Variants in WDR7 observed in about 807,000 individuals in gnomAD.
WDR7 encodes WD repeat domain 7, also known as WD repeat-containing protein 7.
In WDR7, 46 loss-of-function variants were observed where a neutral mutation model predicts 169.4. That is an observed-to-expected ratio of 0.27 (90% CI 0.21 to 0.35). WDR7 has a LOEUF of 0.35. WDR7 is among the 10% of genes least tolerant of loss of function. The pLI is 1.00. For synonymous variants in WDR7, 612 were observed against 666.8 expected (o/e 0.92, Z 1.27); for missense variants, 1,534 against 1,859.3 (o/e 0.83, Z 3.22).
In WDR7 at chr18:57,027,058, C is replaced by T. The variant is rs962221073; in HGVS notation, c.4324C>T (p.Arg1442Cys). 8.7e-6 allele frequency: 14 copies of T among 1,614,148 alleles called. No individual in the cohort carries two copies. Among genetic ancestry groups the T allele is most frequent in the African/African-American group, 1.3e-5 (1 of 75,034 alleles). The change falls in exon 28 of 28, where the codon CGC becomes TGC. Residue 1442 changes from arginine to cysteine, a missense_variant. Arg to Cys is a radical substitution (Grantham distance 180). Transcript: ENST00000254442. ...IGMLNSAPQL[R>C]CIKTYQVPPV... ...CATGCTGAACTCGGCACCTCAGCTG[C>T]GCTGCATTAAAACCTACCAGGTGCC...
At position 56,781,635 on chromosome 18, in the gene WDR7, T is replaced by A. The variant is rs770476906; in HGVS notation, c.3169T>A (p.Tyr1057Asn). Residue 1057 changes from tyrosine (Y) to asparagine (N), a missense_variant, in exon 19 of 28, where the codon TAC becomes AAC. Transcript: ENST00000254442. ...IDAWAPYLPQ[Y>N]IDHVISPGVT... Reference sequence around the variant, plus strand: ...TGCCTGGGCTCCTTACTTACCTCAGTACATAGACCACGTCATATCACGTAA... The same window carrying A: ...TGCCTGGGCTCCTTACTTACCTCAGAACATAGACCACGTCATATCACGTAA... 1 of 1,608,792 alleles carries A rather than the reference T, an allele frequency of 6.2e-7. No individual in the cohort carries two copies. Among genetic ancestry groups the A allele is most frequent in the African/African-American group, 1.3e-5 (1 of 74,580 alleles).
chr18:56,850,112 G>A (rs2045620513), intron 20 of WDR7, among the ~76,000 whole-genome samples: 2 of 152,178 alleles, frequency 1.3e-5, no homozygotes, highest in Non-Finnish European at 2.9e-5. Flanking sequence ...GCTGATGATT[G>A]AGTCTGAGCT....
intron 20 of WDR7, among the ~76,000 whole-genome samples, chr18:56,831,641 A>C (rs2045310461): frequency 6.6e-6 from 1 of 152,078 alleles, no homozygotes; most frequent in South Asian, 2.1e-4. Flanking sequence ...TACCTGGTTC[A>C]TCTCACTGAG....
intron 16 of WDR7, among the ~76,000 whole-genome samples, chr18:56,775,147 G>A (rs2044221723): frequency 1.3e-5 from 2 of 152,102 alleles, no homozygotes; most frequent in East Asian, 1.9e-4. Context: ...TTATTCATTT[G>A]TATTGAATTT....
At chr18:56,759,756 C>T (rs1401817513) in intron 16 of WDR7, among the ~76,000 whole-genome samples, 1 of 152,032 alleles carries the variant, frequency 6.6e-6, no homozygotes, top group African/African-American at 2.4e-5. Context: ...ATTTTTCTTC[C>T]CTACTTTTTT....
At chr18:56,881,301 T>C (rs2046104834) in intron 21 of WDR7, among the ~76,000 whole-genome samples, 1 of 152,186 alleles carries the variant, frequency 6.6e-6, no homozygotes, top group Non-Finnish European at 1.5e-5. Flanking sequence ...CCACCAACCA[T>C]AATGATGCAA....
intron 19 of WDR7, among the ~76,000 whole-genome samples, chr18:56,793,957 CT>C (rs889733160): frequency 1.3e-5 from 2 of 152,080 alleles, no homozygotes; most frequent in African/African-American, 4.8e-5. Context: ...ATCAGTGAAT[CT>C]TTTTTTCTTA....
intron 27 of WDR7, among the ~76,000 whole-genome samples, chr18:57,022,276 T>TA (rs1328154102): frequency 1.3e-5 from 2 of 152,254 alleles, no homozygotes; most frequent in African/African-American, 4.8e-5. Flanking sequence ...GCCTCTGTTA[T>TA]GTCAGCTGTA....
At position 56,726,335 on chromosome 18, in the gene WDR7, T is replaced by G. The variant is rs1237006434; in HGVS notation, c.1775-5048T>G. Among the ~76,000 whole-genome samples, 7 of 152,288 alleles carry G rather than the reference T, an allele frequency of 4.6e-5. No individual in the cohort carries two copies. The South Asian group carries it at 1.2e-3, about 27-fold the overall frequency. On this transcript the variant is annotated intron_variant, in intron 13 of 27. Transcript: ENST00000254442. Reference sequence around the variant, plus strand: ...TATCCTCTTTGATTTCATTGAGCAGTGGTTTGTAGTTCTCCTTGAAGAGGT... The same window carrying G: ...TATCCTCTTTGATTTCATTGAGCAGGGGTTTGTAGTTCTCCTTGAAGAGGT...
At chr18:56,992,774 A>T (rs1479532723) in intron 26 of WDR7, among the ~76,000 whole-genome samples, 1 of 152,220 alleles carries the variant, frequency 6.6e-6, no homozygotes, top group Non-Finnish European at 1.5e-5. Flanking sequence ...CAATCCAATC[A>T]ATTCCCAAAT....
chr18:57,002,814 G>T (rs1051312758), intron 26 of WDR7, among the ~76,000 whole-genome samples: 3 of 152,114 alleles, frequency 2.0e-5, no homozygotes, highest in African/African-American at 7.2e-5. Context: ...CACAGCAGGA[G>T]AGCCTCCTAA....
chr18:56,775,861 C>A (rs1176150740), intron 16 of WDR7, among the ~76,000 whole-genome samples: 1 of 152,154 alleles, frequency 6.6e-6, no homozygotes, highest in Non-Finnish European at 1.5e-5. Flanking sequence ...AATGCTTAAT[C>A]TGTTCAGGAG....
chr18:56,750,955 A>G (rs1050099740), intron 14 of WDR7, among the ~76,000 whole-genome samples: 5 of 152,190 alleles, frequency 3.3e-5, no homozygotes, highest in African/African-American at 1.2e-4. Flanking sequence ...GACTTGGTGA[A>G]AACAGAAATT....
At chr18:56,786,170 A>G (rs1361895445) in intron 19 of WDR7, among the ~76,000 whole-genome samples, 1 of 152,076 alleles carries the variant, frequency 6.6e-6, no homozygotes, top group Admixed American at 6.6e-5. Flanking sequence ...CAGACTGGAG[A>G]TCACTGGGGA....
intron 26 of WDR7, among the ~76,000 whole-genome samples, chr18:56,970,632 C>T (rs777900067): frequency 6.6e-5 from 10 of 152,102 alleles, no homozygotes; most frequent in South Asian, 2.1e-4. Context: ...ATCCCCTGCG[C>T]GAGTGGGATA....
At chr18:56,692,150 A>G (rs188132107) in intron 9 of WDR7, among the ~76,000 whole-genome samples, 1 of 152,342 alleles carries the variant, frequency 6.6e-6, no homozygotes, top group Non-Finnish European at 1.5e-5. Context: ...TGACAGATAT[A>G]TTTTTAGAAG....
chr18:56,774,168 T>A (rs1029639244), intron 16 of WDR7, among the ~76,000 whole-genome samples: 3 of 152,154 alleles, frequency 2.0e-5, no homozygotes, highest in African/African-American at 7.2e-5. Context: ...TAACTTTCTG[T>A]CCTATAAATA....
chr18:56,845,770 AGATAT>A (rs1308216022), intron 20 of WDR7, among the ~76,000 whole-genome samples: 1 of 152,188 alleles, frequency 6.6e-6, no homozygotes, highest in Non-Finnish European at 1.5e-5. Context: ...ATTCAGTATT[AGATAT>A]AAGTTTCTTT....
chr18:56,828,691 A>G (rs988460617), intron 20 of WDR7, among the ~76,000 whole-genome samples: 2 of 152,214 alleles, frequency 1.3e-5, no homozygotes, highest in Non-Finnish European at 2.9e-5. Context: ...CATACTTGCA[A>G]AGGATGGTTT....
Sources: gnomAD v4.1 joint callset for allele counts (sites outside exome capture counted in the v4.1 genomes callset) on GRCh38, gnomAD v4.1.1 for gene constraint, MANE v1.5 for transcripts, NCBI Gene and HGNC (gene_info 2026-07-23, HGNC 2026-07-21) for gene names.